The following PRR5L variants were observed in gnomAD, a reference collection of about 807,000 sequenced individuals.
PRR5L encodes the protein proline-rich protein 5-like.
A neutral mutation model predicts 36.4 loss-of-function variants in PRR5L; 21 were observed. The ratio of observed to expected loss-of-function variants is 0.58; its 90% CI spans 0.41 to 0.83. PRR5L has a LOEUF of 0.83. Ranked by LOEUF, PRR5L falls within the 40% of genes least tolerant of loss-of-function variation. PRR5L has a pLI of 0.00. For synonymous variants in PRR5L, 188 were observed against 197.0 expected (o/e 0.95, Z 0.38); for missense variants, 381 against 473.3 (o/e 0.80, Z 1.81).
chr11:36,414,216 TG>T (rs1229264466), intron 3 of PRR5L, among the ~76,000 whole-genome samples: 2 of 151,618 alleles, frequency 1.3e-5, no homozygotes, highest in African/African-American at 4.9e-5. Context: ...TATAGTCCTT[TG>T]GGTATATACC....
In PRR5L at chr11:36,310,030, C is replaced by T. The variant is rs529786387; in HGVS notation, c.-126+13592C>T. ...CTATTAGAGCAGAACAATTTACCAT[C>T]CTGACCTGGAAGCCTGTTGTGTCCT... On this transcript the variant is annotated intron_variant, in intron 1 of 8. Coordinates refer to ENST00000530639, the MANE Select transcript of PRR5L (RefSeq NM_001160167.2). 3.1e-5 allele frequency among the ~76,000 whole-genome samples: 4 copies of T among 127,466 alleles called. No homozygotes were observed. The East Asian group carries it at 9.3e-4, about 30-fold the overall frequency. The allele number at this position is 127,466 out of a possible 152,430, so 83.6% of individuals were successfully genotyped here.
intron 1 of PRR5L, among the ~76,000 whole-genome samples, chr11:36,314,593 T>C (rs1288550044): frequency 6.6e-6 from 1 of 152,224 alleles, no homozygotes; most frequent in African/African-American, 2.4e-5. Flanking sequence ...GCCTCCAGTG[T>C]TGTTTTTGCT....
At chr11:36,442,279 C>T (rs1343944080) in intron 6 of PRR5L, among the ~76,000 whole-genome samples, 2 of 152,140 alleles carry the variant, frequency 1.3e-5, no homozygotes, top group African/African-American at 4.8e-5. Context: ...CATTCCTTTA[C>T]ACCTATTCCT....
chr11:36,376,763 C>T, intron 1 of PRR5L: 2 of 972,082 alleles, frequency 2.1e-6, no homozygotes, highest in Non-Finnish European at 1.2e-6. Flanking sequence ...TCAGCAACCG[C>T]GCAGGATTGA....
At chr11:36,322,260 C>T (rs1856620402) in intron 1 of PRR5L, among the ~76,000 whole-genome samples, 2 of 152,188 alleles carry the variant, frequency 1.3e-5, no homozygotes, top group Non-Finnish European at 2.9e-5. Context: ...GTGTGCCTGA[C>T]AGTTTTTCCC....
At chr11:36,394,879 G>T (rs1429509133) in intron 1 of PRR5L, among the ~76,000 whole-genome samples, 2 of 152,132 alleles carry the variant, frequency 1.3e-5, no homozygotes, top group Admixed American at 6.5e-5. Flanking sequence ...ATGTTTTTCT[G>T]CCTACCACAG....
At chr11:36,403,264 T>C (rs1244869956) in intron 2 of PRR5L, 34 bp from the exon 3 acceptor site, 6 of 1,593,530 alleles carry the variant, frequency 3.8e-6, no homozygotes, top group Non-Finnish European at 4.3e-6. Context: ...AGAAGGGAGA[T>C]TCTCTAACCA....
chr11:36,424,729 G>T (rs1445796938), intron 4 of PRR5L, among the ~76,000 whole-genome samples: 4 of 152,156 alleles, frequency 2.6e-5, no homozygotes, highest in African/African-American at 9.7e-5. Flanking sequence ...CTCAAAGTAT[G>T]GTCCCCGAAC....
chr11:36,341,187 A>T (rs1009061025), intron 1 of PRR5L, among the ~76,000 whole-genome samples: 2 of 152,190 alleles, frequency 1.3e-5, no homozygotes, highest in Non-Finnish European at 2.9e-5. Flanking sequence ...CAGAGTCCAC[A>T]ACATGATAAA....
intron 1 of PRR5L, among the ~76,000 whole-genome samples, chr11:36,395,861 A>G (rs1289069739): frequency 1.3e-5 from 2 of 152,024 alleles, no homozygotes; most frequent in Non-Finnish European, 2.9e-5. Flanking sequence ...AGCTAAGAAT[A>G]TGGGCAAACA....
At chr11:36,456,008 A>G (rs1859050125) in intron 8 of PRR5L, among the ~76,000 whole-genome samples, 1 of 152,068 alleles carries the variant, frequency 6.6e-6, no homozygotes, top group Non-Finnish European at 1.5e-5. Flanking sequence ...GTGAGTCATC[A>G]GCAGGGGGAG....
intron 1 of PRR5L, among the ~76,000 whole-genome samples, chr11:36,358,184 G>A (rs927998865): frequency 3.3e-5 from 5 of 152,216 alleles, no homozygotes; most frequent in South Asian, 2.1e-4. Flanking sequence ...ATAAAGCAGC[G>A]GCAGGGTTTA....
intron 4 of PRR5L, among the ~76,000 whole-genome samples, chr11:36,423,061 C>T (rs532002817): frequency 6.6e-6 from 1 of 152,190 alleles, no homozygotes; most frequent in African/African-American, 2.4e-5. Context: ...GTGTTATAAG[C>T]TTTTGCCCCA....
chr11:36,455,285 G>A (rs942072752), intron 8 of PRR5L: 2 of 152,818 alleles, frequency 1.3e-5, no homozygotes, highest in East Asian at 3.9e-4. Flanking sequence ...TGGCCAGGGA[G>A]CCTGGGAGAT....
intron 4 of PRR5L, among the ~76,000 whole-genome samples, chr11:36,428,853 A>G (rs1209486324): frequency 6.6e-6 from 1 of 151,964 alleles, no homozygotes; most frequent in African/African-American, 2.4e-5. Flanking sequence ...TGACCAATTG[A>G]TTTTGACTGT....
At position 36,423,623 on chromosome 11, in the gene PRR5L, G is replaced by A. The variant is rs369236296; in HGVS notation, c.294+4320G>A. ...AAGCAGGACTCCCAAAATGGAAAAAGAGCTAATTGGGTGAACAGAAAGTAG... is the reference window on the plus strand; with the variant it reads ...AAGCAGGACTCCCAAAATGGAAAAAAAGCTAATTGGGTGAACAGAAAGTAG... On this transcript the variant is annotated intron_variant, in intron 4 of 8. Transcript: ENST00000530639. Among the ~76,000 whole-genome samples, 13 of 152,204 alleles carry A rather than the reference G, an allele frequency of 8.5e-5. No homozygotes were observed. The East Asian group carries it at 9.6e-4, about 11-fold the overall frequency.
At chr11:36,419,334 TATC>T in intron 4 of PRR5L, 31 bp downstream of exon 4, 1 of 1,597,050 alleles carries the variant, frequency 6.3e-7, no homozygotes, top group Non-Finnish European at 8.6e-7. Context: ...CATCCATCAT[TATC>T]ATGCATGTGG....
rs1246429573 is a variant in PRR5L, at chr11:36,344,720, C to T, written c.-126+48282C>T. 6.6e-6 allele frequency among the ~76,000 whole-genome samples: 1 copy of T among 152,094 alleles called. No homozygotes were observed. Among genetic ancestry groups the T allele is most frequent in the African/African-American group, 2.4e-5 (1 of 41,414 alleles). On this transcript the variant is annotated intron_variant, in intron 1 of 8. Coordinates refer to ENST00000530639, the MANE Select transcript of PRR5L (RefSeq NM_001160167.2). The surrounding 1 kb of genome is among the most constrained non-coding windows in gnomAD (Gnocchi z 4.1). ...ATAACAAAAAATGAGCATTACTTTT[C>T]AAGACTGAGATTAAAAAATCAAGAT...
intron 6 of PRR5L, among the ~76,000 whole-genome samples, chr11:36,438,856 G>T (rs1357657727): frequency 6.6e-6 from 1 of 152,126 alleles, no homozygotes; most frequent in African/African-American, 2.4e-5. Context: ...GATCACTTGA[G>T]CCCAGACGAT....
Sources: gnomAD v4.1 joint callset for allele counts (sites outside exome capture counted in the v4.1 genomes callset) on GRCh38, gnomAD v4.1.1 for gene constraint, Gnocchi (gnomAD v3.1) non-coding constraint, MANE v1.5 for transcripts, NCBI Gene and HGNC (gene_info 2026-07-23, HGNC 2026-07-21) for gene names.